The following ALPK2 variants were observed in gnomAD, a reference collection of about 807,000 sequenced individuals.
ALPK2 encodes alpha kinase 2.
Under a neutral mutation model 163.1 loss-of-function variants are expected in ALPK2, and 127 were observed. The observed-to-expected ratio is 0.78, with a 90% CI of 0.67 to 0.90. The LOEUF is 0.90. Ranked by LOEUF, ALPK2 falls within the 40% of genes least tolerant of loss-of-function variation. The probability of loss-of-function intolerance (pLI) is 0.00; values close to 1 mark genes in which losing one functional copy is unlikely to be tolerated. For synonymous variants in ALPK2, 953 were observed against 959.1 expected (o/e 0.99, Z 0.12); for missense variants, 2,360 against 2,589.6 (o/e 0.91, Z 1.92).
At position 58,579,917 on chromosome 18, in the gene ALPK2, C is replaced by G. The variant is rs770733887; in HGVS notation, c.859G>C (p.Asp287His). The change falls in exon 4 of 13, where the codon GAC becomes CAC. Residue 287 changes from aspartate (D) to histidine (H), a missense_variant. Asp to His is a moderately conservative substitution (Grantham distance 81). Transcript: ENST00000361673. ...GGTTGTTTGTTGGCCACGGCACTGT[C>G]ACCTGGGTAAATGTGTGCAGTTGCC... ...SEATAHIYPG[D>H]SAVANKQPSP... The G allele has an allele frequency of 6.2e-7, 1 of 1,614,190 alleles. No individual in the cohort carries two copies. The highest frequency in any genetic ancestry group is 8.5e-7 in the Non-Finnish European group (1 of 1,180,040).
intron 5 of ALPK2, among the ~76,000 whole-genome samples, chr18:58,532,953 G>A (rs1445882332): frequency 1.3e-5 from 2 of 152,068 alleles, no homozygotes; most frequent in East Asian, 1.9e-4. Flanking sequence ...CCAAACACCC[G>A]CTAGTATCTC....
chr18:58,619,015 G>A (rs1048849306), intron 1 of ALPK2, among the ~76,000 whole-genome samples: 1 of 152,176 alleles, frequency 6.6e-6, no homozygotes, highest in African/African-American at 2.4e-5. Flanking sequence ...TAATCCAATG[G>A]CAATTGTCTT....
chr18:58,589,554 A>G (rs2052004757), intron 3 of ALPK2, among the ~76,000 whole-genome samples: 1 of 152,164 alleles, frequency 6.6e-6, no homozygotes, highest in South Asian at 2.1e-4. Context: ...ACATAAACGA[A>G]CGATTTATTT....
rs889933027 is a variant in ALPK2, at chr18:58,580,253, G to A, written c.523C>T (p.Gln175Ter). 18 of 1,614,104 alleles carry A rather than the reference G, an allele frequency of 1.1e-5. No individual in the cohort carries two copies. The highest frequency in any genetic ancestry group is 2.7e-5 in the African/African-American group (2 of 74,926). Residue 175 changes from glutamine to a stop codon, truncating the protein, a stop_gained, in exon 4 of 13, where the codon CAG (glutamine) becomes TAG (stop). Transcript: ENST00000361673. LOFTEE classifies it high-confidence loss of function. ...PSKSNHSLSL[Q>*]SLGNLDISVS... ...CTAATGTCAAGATTGCCCAATGACT[G>A]GAGGGAGAGTGAATGGTTGGATTTG...
intron 12 of ALPK2, among the ~76,000 whole-genome samples, chr18:58,483,141 C>T (rs190976025): frequency 6.6e-6 from 1 of 152,318 alleles, no homozygotes; most frequent in Admixed American, 6.5e-5. Flanking sequence ...CTCCTTGTCA[C>T]CGCAGATGAG....
chr18:58,493,072 A>G (rs951840959), intron 12 of ALPK2, among the ~76,000 whole-genome samples: 1 of 152,176 alleles, frequency 6.6e-6, no homozygotes, highest in Non-Finnish European at 1.5e-5. Flanking sequence ...GGCTGACCGG[A>G]TGAAGATGGG....
chr18:58,622,435 CACAG>C lies in ALPK2; in HGVS notation c.-21+6325_-21+6328del, dbSNP rs2052206978. On this transcript the variant is annotated intron_variant, in intron 1 of 12. Coordinates refer to ENST00000361673, the MANE Select transcript of ALPK2 (RefSeq NM_052947.4). ...TTACAACTGAAAAATGCACCTGAAA[CACAG>C]ACAGGTTAGGTGACATTTCCAAGGT... 3.3e-5 allele frequency among the ~76,000 whole-genome samples: 5 copies of C among 152,150 alleles called. 1 individual carries two copies. In the South Asian group the frequency reaches 8.3e-4, roughly 25 times the overall value.
chr18:58,578,629 T>C, intron 4 of ALPK2, 185 bp downstream of exon 4: 1 of 566,536 alleles, frequency 1.8e-6, no homozygotes. Context: ...CAGATTTCCT[T>C]CCGAGCAGCA....
At position 58,536,499 on chromosome 18, in the gene ALPK2, A is replaced by G. The variant is rs1225971721; in HGVS notation, c.3688T>C (p.Trp1230Arg). ...ATCTTCAGCTTGTTGCCTGCCTCCC[A>G]ATTTCCAGGTCTATATTCTTTAGAC... ...EESKEYRPGN[W>R]EAGNKLKIIT... The change falls in exon 5 of 13, where the codon TGG becomes CGG. Residue 1230 changes from tryptophan to arginine, a missense_variant. Trp to Arg is a moderately radical substitution (Grantham distance 101). Coordinates refer to ENST00000361673, the MANE Select transcript of ALPK2 (RefSeq NM_052947.4). 5 of 1,613,884 alleles carry G rather than the reference A, an allele frequency of 3.1e-6. No homozygotes were observed. In the South Asian group the frequency reaches 5.5e-5, roughly 18 times the overall value.
chr18:58,602,963 A>G (rs924653843), intron 3 of ALPK2, among the ~76,000 whole-genome samples: 7 of 152,246 alleles, frequency 4.6e-5, no homozygotes, highest in African/African-American at 1.7e-4. Flanking sequence ...GGCAACATTT[A>G]GAAGTTACCC....
At chr18:58,585,671 T>G (rs1343393898) in intron 3 of ALPK2, among the ~76,000 whole-genome samples, 2 of 149,398 alleles carry the variant, frequency 1.3e-5, no homozygotes, top group Non-Finnish European at 3.0e-5. Flanking sequence ...AATCCACCAT[T>G]CTATGTTGCT....
Position 58,488,576 on chromosome 18 carries a change from A to G in ALPK2, c.6297-6537T>C, listed in dbSNP as rs77762672. 8.8e-4 allele frequency among the ~76,000 whole-genome samples: 133 copies of G among 151,392 alleles called. 1 individual carries two copies. Among genetic ancestry groups the G allele is most frequent in the African/African-American group, 3.1e-3 (129 of 41,230 alleles). On this transcript the variant is annotated intron_variant, in intron 12 of 12. Transcript: ENST00000361673. Reference sequence around the variant, plus strand: ...AACCAAGGTTCTTGGCTGGCTTAATAAAGGAAATGGAGACAGGCAAGGCAA... The same window carrying G: ...AACCAAGGTTCTTGGCTGGCTTAATGAAGGAAATGGAGACAGGCAAGGCAA...
intron 4 of ALPK2, among the ~76,000 whole-genome samples, chr18:58,561,467 G>T (rs1270141324): frequency 1.3e-5 from 2 of 152,188 alleles, no homozygotes; most frequent in African/African-American, 4.8e-5. Flanking sequence ...TTGTCTTAAA[G>T]ATCCCGCCCC....
At chr18:58,526,550 G>GAACTCAGAA (rs2051586084) in intron 6 of ALPK2, among the ~76,000 whole-genome samples, 1 of 152,136 alleles carries the variant, frequency 6.6e-6, no homozygotes, top group Non-Finnish European at 1.5e-5. Flanking sequence ...CAAAAGCCCA[G>GAACTCAGAA]GGAACTCAGA....
At chr18:58,619,234 T>C (rs1261611345) in intron 1 of ALPK2, among the ~76,000 whole-genome samples, 1 of 151,946 alleles carries the variant, frequency 6.6e-6, no homozygotes. Flanking sequence ...ACAGACAAGA[T>C]CGTATTTCAT....
At chr18:58,557,859 G>T (rs2051803168) in intron 4 of ALPK2, among the ~76,000 whole-genome samples, 1 of 152,030 alleles carries the variant, frequency 6.6e-6, no homozygotes. Context: ...GAGGTGGGAG[G>T]ATTCCTTGAG....
chr18:58,495,432 G>A (rs1318266324), intron 12 of ALPK2, among the ~76,000 whole-genome samples: 1 of 152,118 alleles, frequency 6.6e-6, no homozygotes, highest in Non-Finnish European at 1.5e-5. Flanking sequence ...CTGGGCTCCA[G>A]CCGTCAGTGC....
intron 3 of ALPK2, among the ~76,000 whole-genome samples, chr18:58,582,603 A>C (rs2051964430): frequency 6.6e-6 from 1 of 151,190 alleles, no homozygotes. Flanking sequence ...AAAGAGATTT[A>C]CTTTGAGCCA....
chr18:58,617,295 T>C (rs2052175183), intron 1 of ALPK2, among the ~76,000 whole-genome samples: 2 of 152,328 alleles, frequency 1.3e-5, no homozygotes, highest in Admixed American at 1.3e-4. Context: ...CAAGCGATTC[T>C]CCTGCCTCAG....
Sources: gnomAD v4.1 joint callset for allele counts (sites outside exome capture counted in the v4.1 genomes callset) on GRCh38, gnomAD v4.1.1 for gene constraint, MANE v1.5 for transcripts, NCBI Gene and HGNC (gene_info 2026-07-23, HGNC 2026-07-21) for gene names.